The following NTRK1 variants were observed in gnomAD, a reference collection of about 807,000 sequenced individuals.
NTRK1 encodes the protein neurotrophic receptor tyrosine kinase 1.
A neutral mutation model predicts 86.8 loss-of-function variants in NTRK1; 62 were observed. The ratio of observed to expected loss-of-function variants is 0.71; its 90% CI spans 0.58 to 0.88. NTRK1 has a LOEUF of 0.88. Ranked by LOEUF, NTRK1 falls within the 40% of genes least tolerant of loss-of-function variation. NTRK1 has a pLI of 0.00. For missense variants in NTRK1, 967 were observed against 1,078.4 expected (o/e 0.90, Z 1.45); for synonymous variants, 469 against 456.6 (o/e 1.03, Z -0.35).
At chr1:156,832,162 C>G (rs1047591449) in intron 1 of NTRK1, among the ~76,000 whole-genome samples, 1 of 152,182 alleles carries the variant, frequency 6.6e-6, no homozygotes, top group Non-Finnish European at 1.5e-5. Flanking sequence ...TATGTTGAAC[C>G]AAGATTCAGT....
At chr1:156,834,092 T>C (rs1335891144) in intron 1 of NTRK1, among the ~76,000 whole-genome samples, 6 of 152,200 alleles carry the variant, frequency 3.9e-5, no homozygotes, top group Non-Finnish European at 5.9e-5. Flanking sequence ...TAGAGTGGTT[T>C]CTGTTTTCCT....
chr1:156,816,644 T>C, intron 1 of NTRK1: 1 of 1,595,660 alleles, frequency 6.3e-7, no homozygotes, highest in Non-Finnish European at 8.5e-7. Flanking sequence ...TTGTGCCCCC[T>C]CCCACCCATA....
intron 2 of NTRK1, chr1:156,849,033 G>A (rs1655110120): frequency 5.0e-6 from 8 of 1,613,398 alleles, no homozygotes; most frequent in Non-Finnish European, 6.8e-6. Flanking sequence ...ACGAAGCGCA[G>A]GGTGCGAGTC....
At chr1:156,840,848 G>A (rs770498555) in intron 1 of NTRK1, 2 of 1,565,124 alleles carry the variant, frequency 1.3e-6, no homozygotes, top group Non-Finnish European at 8.8e-7. Flanking sequence ...CCCCATGGGA[G>A]GCCAGCCAGG....
At chr1:156,847,998 A>C (rs1655069906) in intron 2 of NTRK1, among the ~76,000 whole-genome samples, 1 of 152,134 alleles carries the variant, frequency 6.6e-6, no homozygotes, top group Admixed American at 6.5e-5. Context: ...CAGCTTCAGC[A>C]TCTCCTAGGA....
chr1:156,879,047 GC>G, intron 14 of NTRK1, 74 bp from the exon 15 acceptor site: 2 of 1,571,538 alleles, frequency 1.3e-6, no homozygotes, highest in South Asian at 2.3e-5. Flanking sequence ...ACACGCGGCT[GC>G]TGGGGATCGC....
At chr1:156,846,781 AG>A (rs758931354) in intron 2 of NTRK1, 90 of 1,587,896 alleles carry the variant, frequency 5.7e-5, no homozygotes, top group Non-Finnish European at 7.3e-5. Flanking sequence ...CCCAGAGCTG[AG>A]GGGTCATTCA....
upstream of NTRK1, among the ~76,000 whole-genome samples, chr1:156,857,167 G>A (rs1283158686): frequency 6.9e-5 from 5 of 72,468 alleles, no homozygotes; most frequent in East Asian, 3.2e-4. Flanking sequence ...CTGTGTATGT[G>A]TGTGTGTGTG....
At chr1:156,866,860 G>C in intron 3 of NTRK1, 50 bp from the exon 4 acceptor site, 1 of 1,587,112 alleles carries the variant, frequency 6.3e-7, no homozygotes, top group Non-Finnish European at 8.7e-7. Context: ...TGGTCAGAGT[G>C]AGGTCGGGTC....
At chr1:156,875,988 T>C (rs1647879356) in intron 12 of NTRK1, 92 bp from the exon 13 acceptor site, 2 of 1,594,392 alleles carry the variant, frequency 1.3e-6, no homozygotes, top group Non-Finnish European at 8.6e-7. Flanking sequence ...TGGGCAGCCT[T>C]GTGCAGCACA....
chr1:156,881,772 A>G lies in NTRK1; in HGVS notation c.*130A>G. The G allele has an allele frequency of 1.1e-6, 1 of 924,972 alleles. No homozygotes were observed. 57.3% of individuals were successfully genotyped at this position (924,972 alleles called of 1,614,324 possible). ...TCACCCTCAGCATGTGGGAAGGGAC[A>G]GGTGGGGGCTGGGAGTAGAGGATGT... is the stretch of plus-strand genomic sequence containing the variant. On this transcript the variant is annotated 3_prime_UTR_variant, in exon 17 of 17. Transcript: ENST00000524377.
chr1:156,865,794 A>T (rs80337087), intron 3 of NTRK1, among the ~76,000 whole-genome samples: 8,553 of 152,204 alleles, frequency 0.056, 375 homozygotes, highest in Non-Finnish European at 0.083. Context: ...CCTGTCCCCC[A>T]ATATGAGCAG....
At chr1:156,821,176 T>A (rs1654178015) in intron 1 of NTRK1, among the ~76,000 whole-genome samples, 2 of 152,186 alleles carry the variant, frequency 1.3e-5, no homozygotes, top group Admixed American at 1.3e-4. Flanking sequence ...TACTGACTTG[T>A]GTACACGGAT....
rs572007904 is a variant in NTRK1, at chr1:156,848,778, C to G, written c.50+6585C>G. 78 of 941,482 alleles carry G rather than the reference C, an allele frequency of 8.3e-5. 1 individual carries two copies. In the South Asian group the frequency reaches 1.3e-3, roughly 16 times the overall value. The allele number at this position is 941,482 out of a possible 1,614,324, so 58.3% of individuals were successfully genotyped here. On this transcript the variant is annotated intron_variant, in intron 2 of 16. Coordinates refer to the NTRK1 transcript ENST00000392302. ...GTGAGGGAAGAGAGCCAGACCTGGG[C>G]CCTACCACGGAGTACAACTTGCGGG...
At chr1:156,834,460 C>A (rs758413633) in intron 1 of NTRK1, among the ~76,000 whole-genome samples, 1 of 152,116 alleles carries the variant, frequency 6.6e-6, no homozygotes, top group Non-Finnish European at 1.5e-5. Context: ...TAGACAGAGA[C>A]CGAAGGCCAA....
intron 2 of NTRK1, among the ~76,000 whole-genome samples, chr1:156,853,142 A>T (rs903941061): frequency 2.0e-5 from 3 of 151,076 alleles, no homozygotes; most frequent in African/African-American, 7.3e-5. Flanking sequence ...CTTTGCTCTC[A>T]CCTGTTCAGT....
chr1:156,840,868 G>A lies in NTRK1; in HGVS notation c.-63-1213G>A, dbSNP rs55637794. The A allele has an allele frequency of 3.1e-6, 5 of 1,605,022 alleles. No homozygotes were observed. The Admixed American group carries it at 5.0e-5, about 16-fold the overall frequency. On this transcript the variant is annotated intron_variant, in intron 1 of 16. Transcript: ENST00000392302. The stretch of plus-strand genomic sequence containing the variant: ...TGGGAGGCCAGCCAGGGAATGAGGT[G>A]CCCCTCAGTGCCCTGGACCCCCATT...
At chr1:156,826,532 G>T (rs976768950) in intron 1 of NTRK1, among the ~76,000 whole-genome samples, 1 of 151,784 alleles carries the variant, frequency 6.6e-6, no homozygotes, top group African/African-American at 2.4e-5. Context: ...CTCGTGATCC[G>T]CCCGCCTCGG....
At chr1:156,869,494 C>T (rs1020381491) in intron 6 of NTRK1, among the ~76,000 whole-genome samples, 1 of 152,222 alleles carries the variant, frequency 6.6e-6, no homozygotes. Context: ...ATTCTGGAAG[C>T]AGCATCCTCT....
Sources: gnomAD v4.1 joint callset for allele counts (sites outside exome capture counted in the v4.1 genomes callset) on GRCh38, gnomAD v4.1.1 for gene constraint, MANE v1.5 for transcripts, NCBI Gene and HGNC (gene_info 2026-07-23, HGNC 2026-07-21) for gene names.